WASL: variants seen among roughly 807,000 people sequenced by gnomAD.
WASL encodes WASP like actin nucleation promoting factor, also known as actin nucleation-promoting factor WASL.
A neutral mutation model predicts 55.5 loss-of-function variants in WASL; 20 were observed. That is an observed-to-expected ratio of 0.36 (90% CI 0.25 to 0.52). The LOEUF (loss-of-function observed/expected upper bound fraction) is 0.52, where lower values mean the gene tolerates loss of function less well. Ranked by LOEUF, WASL falls within the 20% of genes least tolerant of loss-of-function variation. The pLI is 0.92. For missense variants in WASL, 504 were observed against 622.5 expected (o/e 0.81, Z 2.03); for synonymous variants, 249 against 217.6 (o/e 1.14, Z -1.27).
intron 1 of WASL, among the ~76,000 whole-genome samples, chr7:123,725,699 A>G (rs1804030558): frequency 6.6e-6 from 1 of 152,156 alleles, no homozygotes; most frequent in Non-Finnish European, 1.5e-5. Flanking sequence ...ATTGAGCTAG[A>G]TTTAGTAACT....
rs536067477 is a variant in WASL at position 123,694,833 on chromosome 7, G to A, written c.708C>T (p.Phe236=). 1.2e-5 allele frequency: 20 copies of A among 1,608,790 alleles called. No homozygotes were observed. The highest frequency in any genetic ancestry group is 8.0e-5 in the African/African-American group (6 of 74,594). The change falls in exon 8 of 11, where the codon TTC becomes TTT. Residue 236 remains phenylalanine (F), a synonymous_variant. Coordinates refer to ENST00000223023, the MANE Select transcript of WASL (RefSeq NM_003941.4). ...GTGCCTCTGAGATTCCACACATATCGAAAAGATTCTTCAATTCTGGATCCA... is the reference window on the plus strand; with the variant it reads ...GTGCCTCTGAGATTCCACACATATCAAAAAGATTCTTCAATTCTGGATCCA... ...NNLDPELKNL[F]DMCGISEAQL...
At chr7:123,716,202 C>A (rs1173869483) in intron 1 of WASL, among the ~76,000 whole-genome samples, 2 of 150,832 alleles carry the variant, frequency 1.3e-5, no homozygotes, top group Non-Finnish European at 2.9e-5. Flanking sequence ...GCTCACCAAT[C>A]AGTTTATTTT....
Position 123,748,822 on chromosome 7 carries a change from G to C in WASL, c.-88C>G. 1 of 1,161,440 alleles carries C rather than the reference G, an allele frequency of 8.6e-7. No homozygotes were observed. The highest frequency in any genetic ancestry group is 1.2e-6 in the Non-Finnish European group (1 of 843,570). 71.9% of individuals were successfully genotyped at this position (1,161,440 alleles called of 1,614,324 possible). A position where few individuals can be genotyped will look rare whatever the true frequency, so the allele number is the denominator to read the frequency against. ...TCCCCCTCTCGGTGACAGGGGCGGG[G>C]AGAAGTGGAGTCAGAGGCGCCACAT... is the stretch of plus-strand genomic sequence containing the variant. On this transcript the variant is annotated 5_prime_UTR_variant, in exon 1 of 11. Transcript: ENST00000223023.
At chr7:123,739,126 T>C (rs1804287230) in intron 1 of WASL, among the ~76,000 whole-genome samples, 1 of 152,240 alleles carries the variant, frequency 6.6e-6, no homozygotes, top group South Asian at 2.1e-4. Context: ...TTTCCAATTT[T>C]CTTTCTCCAG....
At chr7:123,689,199 ATCTTTG>A (rs777903518) in intron 9 of WASL, 49 bp from the exon 10 acceptor site, 1 of 1,491,026 alleles carries the variant, frequency 6.7e-7, no homozygotes, top group East Asian at 2.3e-5. Flanking sequence ...TTAGCCAAGA[ATCTTTG>A]TCTCCAGAAA....
rs200364266 is a variant in WASL, at chr7:123,706,321, C to T, written c.392G>A (p.Arg131Gln). The T allele has an allele frequency of 8.2e-5, 133 of 1,613,336 alleles. 1 individual carries two copies. Among genetic ancestry groups the T allele is most frequent in the Admixed American group, 5.2e-4 (31 of 59,902 alleles). Residue 131 changes from arginine (R) to glutamine (Q), a missense_variant, in exon 4 of 11, where the codon CGA (arginine) becomes CAA (glutamine). Physicochemically the swap from Arg to Gln is conservative, Grantham distance 43 (BLOSUM62 1). This residue lies in a region of WASL where 230 missense variants were observed against 271.9 expected (regional missense o/e 0.85). Transcript: ENST00000223023. ...FANEEEAKKF[R>Q]KAVTDLLGRR... Reference sequence around the variant, plus strand: ...GCCCAAAAGGTCTGTAACTGCTTTTCGAAATTTTTTTGCTTCTTCTTCATT... The same window carrying T: ...GCCCAAAAGGTCTGTAACTGCTTTTTGAAATTTTTTTGCTTCTTCTTCATT...
chr7:123,700,788 A>T (rs1803576607), intron 5 of WASL, among the ~76,000 whole-genome samples: 1 of 152,220 alleles, frequency 6.6e-6, no homozygotes, highest in Non-Finnish European at 1.5e-5. Context: ...TACAAGGTGG[A>T]TAACACCGCT....
intron 1 of WASL, among the ~76,000 whole-genome samples, chr7:123,724,011 T>C (rs1936792085): frequency 6.6e-6 from 1 of 152,174 alleles, no homozygotes; most frequent in Non-Finnish European, 1.5e-5. Flanking sequence ...TATATACAAG[T>C]ATATAAGCGA....
intron 1 of WASL, among the ~76,000 whole-genome samples, chr7:123,719,836 C>T (rs1803908197): frequency 6.6e-6 from 1 of 152,144 alleles, no homozygotes; most frequent in Admixed American, 6.6e-5. Context: ...TTTTTACCAC[C>T]CAAGCCACCA....
At chr7:123,740,260 C>T (rs1584875499) in intron 1 of WASL, among the ~76,000 whole-genome samples, 1 of 148,378 alleles carries the variant, frequency 6.7e-6, no homozygotes, top group South Asian at 2.1e-4. Flanking sequence ...TCTTGAGGGG[C>T]TTTTCTGTAT....
intron 5 of WASL, among the ~76,000 whole-genome samples, chr7:123,700,501 C>T (rs1024821765): frequency 4.6e-5 from 7 of 151,590 alleles, no homozygotes; most frequent in African/African-American, 1.7e-4. Context: ...AGTGCAATGG[C>T]GCCATCTCGG....
chr7:123,682,294 C>T lies in WASL; in HGVS notation c.*2225G>A, dbSNP rs1017946955. 8 of 152,126 alleles carry T rather than the reference C, an allele frequency of 5.3e-5. No homozygotes were observed. The highest frequency in any genetic ancestry group is 7.4e-5 in the Non-Finnish European group (5 of 68,012). 9.4% of individuals were successfully genotyped at this position (152,126 alleles called of 1,614,324 possible). A position where few individuals can be genotyped will look rare whatever the true frequency, so the allele number is the denominator to read the frequency against. ...GAGGACTGAAACATGCAACCTTACA[C>T]CTTACTTGGTAAAGCAGATTTAGTC... On this transcript the variant is annotated 3_prime_UTR_variant, in exon 11 of 11. Coordinates refer to ENST00000223023, the MANE Select transcript of WASL (RefSeq NM_003941.4).
At chr7:123,722,748 T>C (rs945094431) in intron 1 of WASL, among the ~76,000 whole-genome samples, 3 of 152,142 alleles carry the variant, frequency 2.0e-5, no homozygotes, top group Non-Finnish European at 2.9e-5. Context: ...GAGGTTGCAG[T>C]GAGCCAAGAT....
chr7:123,736,299 C>A (rs529505737), intron 1 of WASL, among the ~76,000 whole-genome samples: 1 of 112,750 alleles, frequency 8.9e-6, no homozygotes, highest in African/African-American at 2.6e-5. Flanking sequence ...AAAAATACTT[C>A]TCCTTCTCAC....
chr7:123,689,002 C>T, intron 10 of WASL, 40 bp downstream of exon 10: 3 of 1,462,000 alleles, frequency 2.1e-6, no homozygotes, highest in Non-Finnish European at 2.8e-6. Flanking sequence ...CGCACACTCT[C>T]TCTGTCTCTC....
chr7:123,736,774 T>C (rs531165204), intron 1 of WASL, among the ~76,000 whole-genome samples: 4 of 152,308 alleles, frequency 2.6e-5, no homozygotes, highest in African/African-American at 9.6e-5. Context: ...TGCTTTCCAA[T>C]GGGAAGCCTC....
chr7:123,742,438 A>G (rs1415545639), intron 1 of WASL, among the ~76,000 whole-genome samples: 1 of 152,226 alleles, frequency 6.6e-6, no homozygotes, highest in African/African-American at 2.4e-5. Flanking sequence ...TCAATCTTGA[A>G]TCAGTCTCTA....
At chr7:123,700,201 AAAAAAACAAC>A (rs1803561593) in intron 5 of WASL, among the ~76,000 whole-genome samples, 7 of 82,564 alleles carry the variant, frequency 8.5e-5, no homozygotes, top group African/African-American at 3.1e-4. Context: ...AAAAAAAAAA[AAAAAAACAAC>A]ATTATTTAAG....
intron 1 of WASL, among the ~76,000 whole-genome samples, chr7:123,717,166 A>G (rs1167453832): frequency 1.3e-5 from 2 of 152,266 alleles, no homozygotes; most frequent in African/African-American, 4.8e-5. Context: ...GTGGTTGTAG[A>G]AAGTAAAGGA....
Sources: gnomAD v4.1 joint callset for allele counts (sites outside exome capture counted in the v4.1 genomes callset) on GRCh38, gnomAD v4.1.1 for gene constraint, gnomAD v4.1.1 regional missense constraint, MANE v1.5 for transcripts, NCBI Gene and HGNC (gene_info 2026-07-23, HGNC 2026-07-21) for gene names.